The following KLK12 variants were observed in gnomAD, a reference collection of about 807,000 sequenced individuals.
KLK12 encodes the protein kallikrein related peptidase 12.
In KLK12, 23 loss-of-function variants were observed where a neutral mutation model predicts 20.0. The ratio of observed to expected loss-of-function variants is 1.15; its 90% confidence interval spans 0.83 to 1.63. KLK12 has a LOEUF of 1.63. Ranked by LOEUF, KLK12 falls within the 40% of genes most tolerant of loss-of-function variation. The pLI, the probability that KLK12 is intolerant of heterozygous loss-of-function variation, is 0.00. For synonymous variants in KLK12, 147 were observed against 141.9 expected (o/e 1.04, Z -0.25); for missense variants, 351 against 338.6 (o/e 1.04, Z -0.29).
chr19:51,030,730 A>G, intron 5 of KLK12, 58 bp downstream of exon 5: 1 of 1,606,000 alleles, frequency 6.2e-7, no homozygotes, highest in Non-Finnish European at 8.5e-7. Context: ...TCCTGCTTCC[A>G]GCCCCTCCCC....
At chr19:51,030,548 C>T (rs985693191) in intron 5 of KLK12, among the ~76,000 whole-genome samples, 2 of 152,018 alleles carry the variant, frequency 1.3e-5, no homozygotes, top group South Asian at 2.1e-4. Context: ...CAGAGTCTCA[C>T]CGTGTTGGCC....
intron 3 of KLK12, among the ~76,000 whole-genome samples, chr19:51,033,515 C>T (rs906237139): frequency 6.6e-6 from 1 of 152,146 alleles, no homozygotes; most frequent in Admixed American, 6.5e-5. Context: ...ACTCAGGAGG[C>T]TGGGGCAGGA....
In KLK12 at chr19:51,034,947, G is replaced by C. The variant is rs1027135769; in HGVS notation, c.-161C>G. 4.9e-6 allele frequency: 6 copies of C among 1,226,508 alleles called. No individual in the cohort carries two copies. In the African/African-American group the frequency reaches 9.2e-5, roughly 19 times the overall value. The allele number at this position is 1,226,508 out of a possible 1,614,324, so 76.0% of individuals were successfully genotyped here. ...AGCCAACTCTACCACTCTGCACCTG[G>C]CTCCTCAGCCACCTGTCATGTTGCT... On this transcript the variant is annotated 5_prime_UTR_variant, in exon 1 of 6. Coordinates refer to ENST00000684732, the MANE Select transcript of KLK12 (RefSeq NM_001370125.1).
At chr19:51,031,754 T>C (rs1377306992) in intron 4 of KLK12, 122 bp downstream of exon 4, 1 of 1,115,386 alleles carries the variant, frequency 9.0e-7, no homozygotes, top group Admixed American at 1.7e-5. Flanking sequence ...GATCCTGATG[T>C]CCCATCCCAC....
chr19:51,032,612 C>T lies in KLK12; in HGVS notation c.198-477G>A, dbSNP rs1451154163. Among the ~76,000 whole-genome samples, 5 of 152,050 alleles carry T rather than the reference C, an allele frequency of 3.3e-5. No individual in the cohort carries two copies. In the East Asian group the frequency reaches 9.8e-4, roughly 30 times the overall value. ...ATGTGTGTCAGGCTGGTCTCAAACT[C>T]CTGACCTCAAGTGATCCGCCCGCCT... On this transcript the variant is annotated intron_variant, in intron 3 of 5. Transcript: ENST00000684732.
chr19:51,034,383 G>A (rs558380003), intron 2 of KLK12: 631 of 1,383,796 alleles, frequency 4.6e-4, no homozygotes, highest in Non-Finnish European at 5.7e-4. Flanking sequence ...GGACAGAAGG[G>A]AAGAGGGATC....
Position 51,029,156 on chromosome 19 carries a change from T to C in KLK12, c.*146A>G. ...CTTCTCTCACCCCGCTCGTGGGTCT[T>C]AGAAGGGCTGGCAGGAGTTAAAGTT... On this transcript the variant is annotated 3_prime_UTR_variant, in exon 6 of 6. Transcript: ENST00000684732. The C allele has an allele frequency of 6.2e-7, 1 of 1,614,100 alleles. No homozygotes were observed. The highest frequency in any genetic ancestry group is 8.5e-7 in the Non-Finnish European group (1 of 1,179,992).
At chr19:51,031,002 C>G in intron 4 of KLK12, 81 bp from the exon 5 acceptor site, 1 of 1,558,486 alleles carries the variant, frequency 6.4e-7, no homozygotes, top group Non-Finnish European at 8.8e-7. Flanking sequence ...GGATGTGGCC[C>G]ATCCATGTCA....
intron 4 of KLK12, 37 bp downstream of exon 4, chr19:51,031,839 C>T: frequency 1.9e-6 from 3 of 1,609,440 alleles, no homozygotes; most frequent in South Asian, 1.1e-5. Flanking sequence ...GACTTGTACC[C>T]ATCCTGACCC....
chr19:51,030,974 G>T, intron 4 of KLK12, 53 bp from the exon 5 acceptor site: 1 of 1,611,044 alleles, frequency 6.2e-7, no homozygotes, highest in East Asian at 2.2e-5. Flanking sequence ...CCACTTTGAG[G>T]CCACGTCCCT....
rs200643070 is a variant in KLK12, at chr19:51,029,143, C to T, written c.*159G>A. 7.2e-5 allele frequency: 116 copies of T among 1,613,636 alleles called. No homozygotes were observed. In the Admixed American group the frequency reaches 1.1e-3, roughly 15 times the overall value. ...AGACTATTGCACACTTCTCTCACCC[C>T]GCTCGTGGGTCTTAGAAGGGCTGGC... On this transcript the variant is annotated 3_prime_UTR_variant, in exon 6 of 6. Coordinates refer to ENST00000684732, the MANE Select transcript of KLK12 (RefSeq NM_001370125.1).
chr19:51,029,367 G>A lies in KLK12; in HGVS notation c.682C>T (p.Pro228Ser). The A allele has an allele frequency of 6.2e-7, 1 of 1,613,346 alleles. No individual in the cohort carries two copies. The highest frequency in any genetic ancestry group is 8.5e-7 in the Non-Finnish European group (1 of 1,179,704). The change falls in exon 6 of 6, where the codon CCT becomes TCT. Residue 228 changes from proline to serine, a missense_variant. Coordinates refer to ENST00000684732, the MANE Select transcript of KLK12 (RefSeq NM_001370125.1). ...TTGCAAATATAGGTGTAGACTCCAG[G>A]GATGCCATCTTGTCCACAGGGCCCC... ...SVGPCGQDGI[P>S]GVYTYICKYV...
Position 51,034,911 on chromosome 19 carries a change from G to T in KLK12, c.-125C>A. On this transcript the variant is annotated 5_prime_UTR_variant, in exon 1 of 6. Transcript: ENST00000684732. Reference sequence around the variant, plus strand: ...TACCTGCCTGTCTTCTCATGTGCTGGCCACTCCGCCAGCCAACTCTACCAC... The same window carrying T: ...TACCTGCCTGTCTTCTCATGTGCTGTCCACTCCGCCAGCCAACTCTACCAC... The T allele has an allele frequency of 2.3e-6, 3 of 1,313,784 alleles. No individual in the cohort carries two copies. The highest frequency in any genetic ancestry group is 2.9e-6 in the Non-Finnish European group (3 of 1,024,310). 81.4% of individuals were successfully genotyped at this position (1,313,784 alleles called of 1,614,324 possible).
rs138617915 is a variant in KLK12 at position 51,030,883 on chromosome 19, T to C, written c.496A>G (p.Ile166Val). The change falls in exon 5 of 6, where the codon ATC becomes GTC. Residue 166 changes from isoleucine to valine, a missense_variant. Transcript: ENST00000684732. The stretch of plus-strand genomic sequence containing the variant: ...CCATGGCAGGTGGCATGGGAGACGA[T>C]GGAGAGGTTGAGGCACTGGAGCAGA... Reference protein sequence around the residue: ...PDLLQCLNLSIVSHATCHGVY... With the variant: ...PDLLQCLNLSVVSHATCHGVY... 1 of 1,614,090 alleles carries C rather than the reference T, an allele frequency of 6.2e-7. No homozygotes were observed. Among genetic ancestry groups the C allele is most frequent in the Non-Finnish European group, 8.5e-7 (1 of 1,180,022 alleles).
At chr19:51,033,760 C>T (rs2122621516) in intron 3 of KLK12, 2 of 602,502 alleles carry the variant, frequency 3.3e-6, no homozygotes, top group Non-Finnish European at 6.0e-6. Flanking sequence ...GGCAGGAGGG[C>T]AGGTTCCAGG....
rs188617235 is a variant in KLK12, at chr19:51,029,311, C to G, written c.738G>C (p.Arg246Ser). ...KYVDWIRMIMRNN is the reference protein window; with the variant it reads ...KYVDWIRMIMSNN ...AGGTGGAGGAAACAGGTCAGTTGTT[C>G]CTCATGATCATCCGGATCCAGTCCA... Residue 246 changes from arginine to serine, a missense_variant, in exon 6 of 6, where the codon AGG becomes AGC. By Grantham distance (110) the Arg-to-Ser change is moderately radical. Transcript: ENST00000684732. The G allele has an allele frequency of 6.4e-5, 104 of 1,614,038 alleles. No homozygotes were observed. Among genetic ancestry groups the G allele is most frequent in the Non-Finnish European group, 8.5e-5 (100 of 1,180,006 alleles).
intron 3 of KLK12, among the ~76,000 whole-genome samples, chr19:51,033,031 T>C (rs3786679): frequency 0.17 from 26,198 of 151,184 alleles, 2,468 homozygotes; most frequent in Non-Finnish European, 0.22. Flanking sequence ...CTGGGTAACA[T>C]AGCAAAACCC....
At chr19:51,034,235 A>C in intron 2 of KLK12, 96 bp from the exon 3 acceptor site, 4 of 1,363,550 alleles carry the variant, frequency 2.9e-6, no homozygotes, top group Non-Finnish European at 4.1e-6. Flanking sequence ...CAGGAGAGAG[A>C]GAGGAGAAAG....
intron 3 of KLK12, among the ~76,000 whole-genome samples, chr19:51,033,220 CAA>C (rs11285439): frequency 8.5e-4 from 93 of 109,824 alleles, no homozygotes; most frequent in Admixed American, 1.0e-3. Flanking sequence ...ACTCTGTCTC[CAA>C]AAAAAAAAAA....
Sources: gnomAD v4.1 joint callset for allele counts (sites outside exome capture counted in the v4.1 genomes callset) on GRCh38, gnomAD v4.1.1 for gene constraint, MANE v1.5 for transcripts, NCBI Gene and HGNC (gene_info 2026-07-23, HGNC 2026-07-21) for gene names.